The following CFAP91 variants were observed in gnomAD, a reference collection of about 807,000 sequenced individuals.
CFAP91 encodes cilia- and flagella-associated protein 91.
A neutral mutation model predicts 95.9 loss-of-function variants in CFAP91; 85 were observed. The observed-to-expected ratio is 0.89, with a 90% CI of 0.74 to 1.06. The LOEUF is 1.06. Ranked by LOEUF, CFAP91 falls within the 50% of genes least tolerant of loss-of-function variation. CFAP91 has a pLI of 0.00. For synonymous variants in CFAP91, 335 were observed against 327.5 expected (o/e 1.02, Z -0.25); for missense variants, 962 against 943.4 (o/e 1.02, Z -0.26).
chr3:119,765,166 AAGG>A lies in CFAP91; in HGVS notation c.*119_*121del, dbSNP rs1227224245. The stretch of plus-strand genomic sequence containing the variant: ...ACTTGCCAGTGTGTGATTCATGAGA[AAGG>A]AGATTTATTTTCCTTAAACATCCAA... On this transcript the variant is annotated 3_prime_UTR_variant, in exon 18 of 18. Coordinates refer to ENST00000273390, the MANE Select transcript of CFAP91 (RefSeq NM_033364.4). 6.6e-6 allele frequency: 1 copy of A among 152,300 alleles called. No homozygotes were observed. Among genetic ancestry groups the A allele is most frequent in the Non-Finnish European group, 1.5e-5 (1 of 68,018 alleles). 9.4% of individuals were successfully genotyped at this position (152,300 alleles called of 1,614,324 possible). A position where few individuals can be genotyped will look rare whatever the true frequency, so the allele number is the denominator to read the frequency against.
Position 119,732,453 on chromosome 3 carries a change from A to T in CFAP91, c.1178A>T (p.Asn393Ile). ...DNNSEDFVVK[N>I]YYLNTYEGLV... ...AACTCAGAGGACTTTGTAGTAAAAA[A>T]CTACTATCTCAACACCTATGAAGGT... is the stretch of plus-strand genomic sequence containing the variant. The change falls in exon 9 of 18, where the codon AAC becomes ATC. Residue 393 changes from asparagine to isoleucine, a missense_variant. Asn to Ile is a moderately radical substitution (Grantham distance 149). Transcript: ENST00000273390. 6 of 1,606,564 alleles carry T rather than the reference A, an allele frequency of 3.7e-6. No homozygotes were observed. Among genetic ancestry groups the T allele is most frequent in the Non-Finnish European group, 5.1e-6 (6 of 1,177,686 alleles).
intron 16 of CFAP91, among the ~76,000 whole-genome samples, chr3:119,748,550 A>G (rs2054267610): frequency 6.6e-6 from 1 of 152,264 alleles, no homozygotes; most frequent in South Asian, 2.1e-4. Flanking sequence ...GGAGAAGACC[A>G]GTATTTAAGT....
intron 2 of CFAP91, 132 bp from the exon 3 acceptor site, chr3:119,707,272 C>T (rs2107852289): frequency 1.5e-6 from 1 of 660,558 alleles, no homozygotes; most frequent in Non-Finnish European, 2.5e-6. Flanking sequence ...TTTACGCATA[C>T]AGCAATAACC....
chr3:119,734,724 C>G (rs1383904358), intron 10 of CFAP91, among the ~76,000 whole-genome samples: 1 of 152,040 alleles, frequency 6.6e-6, no homozygotes, highest in Admixed American at 6.6e-5. Flanking sequence ...GTGAAATGAC[C>G]TTCTTGTTTT....
At chr3:119,753,627 T>C (rs993973481) in intron 17 of CFAP91, among the ~76,000 whole-genome samples, 1 of 152,216 alleles carries the variant, frequency 6.6e-6, no homozygotes, top group Non-Finnish European at 1.5e-5. Context: ...GAAACAGACC[T>C]AAAAGGATCT....
chr3:119,704,139 GAAAT>G lies in CFAP91; in HGVS notation c.124+922_124+925del, dbSNP rs375193965. 9.8e-4 allele frequency among the ~76,000 whole-genome samples: 149 copies of G among 152,280 alleles called. 1 individual carries two copies. The highest frequency in any genetic ancestry group is 3.5e-3 in the African/African-American group (147 of 41,560). On this transcript the variant is annotated intron_variant, in intron 1 of 17. Coordinates refer to ENST00000273390, the MANE Select transcript of CFAP91 (RefSeq NM_033364.4). ...TTTCTGTATTTACTCTTGGTTTTGT[GAAAT>G]AAATCAAGTTAGCTCCTGTAAACAC...
At chr3:119,759,619 G>A (rs150551444) in intron 17 of CFAP91, among the ~76,000 whole-genome samples, 116 of 152,018 alleles carry the variant, frequency 7.6e-4, no homozygotes, top group African/African-American at 2.5e-3. Context: ...ATGATGGTGT[G>A]TAAATCACTT....
chr3:119,734,970 T>G (rs1379188325), intron 10 of CFAP91, among the ~76,000 whole-genome samples: 1 of 152,142 alleles, frequency 6.6e-6, no homozygotes, highest in East Asian at 1.9e-4. Context: ...AGAACTCTTC[T>G]GCATTATTTT....
At chr3:119,733,023 T>C (rs2053933065) in intron 9 of CFAP91, among the ~76,000 whole-genome samples, 1 of 152,250 alleles carries the variant, frequency 6.6e-6, no homozygotes, top group Non-Finnish European at 1.5e-5. Context: ...GAGCAAAATG[T>C]AATAAATTGG....
At chr3:119,738,340 T>TTTTTTTTTTTTG (rs1335063984) in intron 11 of CFAP91, among the ~76,000 whole-genome samples, 1 of 74,816 alleles carries the variant, frequency 1.3e-5, no homozygotes, top group East Asian at 3.4e-4. Context: ...GTCTTTTTTT[T>TTTTTTTTTTTTG]TTTTTTTTTT....
At chr3:119,760,852 T>C (rs2054525083) in intron 17 of CFAP91, among the ~76,000 whole-genome samples, 1 of 150,420 alleles carries the variant, frequency 6.6e-6, no homozygotes. Context: ...ACACAAGACA[T>C]AGTTATGGGA....
Position 119,744,150 on chromosome 3 carries a change from A to C in CFAP91, c.1856A>C (p.Gln619Pro). The change falls in exon 14 of 18, where the codon CAG (glutamine) becomes CCG (proline). Residue 619 changes from glutamine to proline, a missense_variant. By Grantham distance (76) the Gln-to-Pro change is moderately conservative (BLOSUM62 -1). Coordinates refer to ENST00000273390, the MANE Select transcript of CFAP91 (RefSeq NM_033364.4). Reference sequence around the variant, plus strand: ...GAGGCTGAAGAGAGTGGTCGGCGCCAGGTGGAAAAACAGCGCCTGCGGGAG... The same window carrying C: ...GAGGCTGAAGAGAGTGGTCGGCGCCCGGTGGAAAAACAGCGCCTGCGGGAG... ...VREAEESGRR[Q>P]VEKQRLREED... 6.2e-7 allele frequency: 1 copy of C among 1,613,790 alleles called. No individual in the cohort carries two copies. Among genetic ancestry groups the C allele is most frequent in the Non-Finnish European group, 8.5e-7 (1 of 1,179,834 alleles).
chr3:119,714,190 G>A (rs1319119198), intron 5 of CFAP91, among the ~76,000 whole-genome samples: 3 of 151,286 alleles, frequency 2.0e-5, no homozygotes, highest in East Asian at 3.9e-4. Flanking sequence ...GCGAAACCCC[G>A]TCTCTACTAA....
intron 7 of CFAP91, among the ~76,000 whole-genome samples, chr3:119,727,590 C>T (rs1366929796): frequency 1.3e-5 from 2 of 152,086 alleles, no homozygotes; most frequent in Non-Finnish European, 2.9e-5. Flanking sequence ...AACTGCTCTT[C>T]CTGACAGAGC....
chr3:119,740,794 G>A (rs2054102731), intron 13 of CFAP91, 99 bp downstream of exon 13: 1 of 1,368,898 alleles, frequency 7.3e-7, no homozygotes, highest in African/African-American at 1.5e-5. Flanking sequence ...ATGAAATGAT[G>A]AAAAAGAAAC....
In CFAP91 at chr3:119,744,029, A is replaced by G; in HGVS notation, c.1735A>G (p.Met579Val). ...AGLEGRALAD[M>V]FDFLSKELVR... ...ACTGGAAGGAAGGGCACTAGCAGAC[A>G]TGTTTGACTTCCTGTCCAAAGAGCT... Residue 579 changes from methionine (M) to valine (V), a missense_variant, in exon 14 of 18, where the codon ATG (methionine) becomes GTG (valine). Physicochemically the swap from Met to Val is conservative, Grantham distance 21. Transcript: ENST00000273390. 1 of 1,614,144 alleles carries G rather than the reference A, an allele frequency of 6.2e-7. No homozygotes were observed. Among genetic ancestry groups the G allele is most frequent in the Non-Finnish European group, 8.5e-7 (1 of 1,179,978 alleles).
At chr3:119,760,242 C>T (rs2054511413) in intron 17 of CFAP91, among the ~76,000 whole-genome samples, 1 of 151,778 alleles carries the variant, frequency 6.6e-6, no homozygotes, top group Admixed American at 6.6e-5. Flanking sequence ...GCTAAACTTA[C>T]ATCAGATAAA....
chr3:119,726,387 G>A (rs1406596752), intron 7 of CFAP91, 39 bp downstream of exon 7: 4 of 1,556,998 alleles, frequency 2.6e-6, no homozygotes, highest in South Asian at 2.4e-5. Flanking sequence ...TCCTGCACTG[G>A]TGGGAATAAT....
chr3:119,761,070 G>A (rs1269945304), intron 17 of CFAP91, among the ~76,000 whole-genome samples: 2 of 148,918 alleles, frequency 1.3e-5, no homozygotes, highest in African/African-American at 2.5e-5. Context: ...TAATAGAAAA[G>A]ATCAACAAAA....
Sources: allele counts gnomAD v4.1 joint callset (sites outside exome capture counted in the v4.1 genomes callset), GRCh38; gene constraint gnomAD v4.1.1; transcripts MANE v1.5; gene names NCBI Gene and HGNC (gene_info 2026-07-23, HGNC 2026-07-21).